Variants in SGCD observed in about 807,000 individuals in gnomAD.
SGCD encodes the protein delta-sarcoglycan.
In SGCD, 18 loss-of-function variants were observed where a neutral mutation model predicts 36.6. The ratio of observed to expected loss-of-function variants is 0.49; its 90% confidence interval spans 0.34 to 0.73. The LOEUF (loss-of-function observed/expected upper bound fraction) is 0.73. Ranked by LOEUF, SGCD falls within the 30% of genes least tolerant of loss-of-function variation. The pLI, the probability that SGCD is intolerant of heterozygous loss-of-function variation, is 0.01. For synonymous variants in SGCD, 133 were observed against 130.6 expected, an observed-to-expected ratio of 1.02 and a Z score of -0.12; for missense variants, 387 against 346.7, an observed-to-expected ratio of 1.12 and a Z score of -0.92.
At chr5:155,821,338 G>A in the SGCD span, among the ~76,000 whole-genome samples, 1 of 151,818 alleles carries the variant, frequency 6.6e-6, no homozygotes, top group Non-Finnish European at 1.5e-5. Flanking sequence ...TTGAGACGGA[G>A]TCTCTTTCTC....
the SGCD span, among the ~76,000 whole-genome samples, chr5:155,801,311 C>T: frequency 6.6e-6 from 1 of 152,178 alleles, no homozygotes; most frequent in East Asian, 1.9e-4. Flanking sequence ...TCTGGTCTTC[C>T]ACTCTCCAAG....
At chr5:156,023,512 A>C (rs1175171039) in intron 1 of SGCD, among the ~76,000 whole-genome samples, 4 of 152,236 alleles carry the variant, frequency 2.6e-5, no homozygotes, top group Non-Finnish European at 5.9e-5. Context: ...TTACTTGTGC[A>C]TCTACTATTG....
In SGCD at chr5:156,721,427, A is replaced by C. The variant is rs115299675; in HGVS notation, c.576-36154A>C. Among the ~76,000 whole-genome samples the C allele has an allele frequency of 9.4e-3, 1,434 of 152,298 alleles. 16 individuals are homozygous for C. The highest frequency in any genetic ancestry group is 0.032 in the African/African-American group (1,321 of 41,560). On this transcript the variant is annotated intron_variant, in intron 7 of 8. Coordinates refer to ENST00000337851, the MANE Select transcript of SGCD (RefSeq NM_000337.6). ...GCCAGTGTTGATAGTTTCAAGAAGG[A>C]AGGAACAATGAATGGTGTCACATGC...
chr5:155,983,448 C>A (rs181480240), intron 1 of SGCD, among the ~76,000 whole-genome samples: 29 of 152,260 alleles, frequency 1.9e-4, no homozygotes, highest in Non-Finnish European at 3.7e-4. Flanking sequence ...AACAGGTGCA[C>A]GCCACCATGC....
intron 3 of SGCD, among the ~76,000 whole-genome samples, chr5:156,129,171 T>A (rs1762250922): frequency 6.6e-6 from 1 of 152,232 alleles, no homozygotes; most frequent in South Asian, 2.1e-4. Context: ...TTTCACTGCA[T>A]GTAAATTATA....
At chr5:156,055,546 G>C (rs1306255392) in intron 1 of SGCD, among the ~76,000 whole-genome samples, 1 of 146,376 alleles carries the variant, frequency 6.8e-6, no homozygotes, top group Admixed American at 6.8e-5. Flanking sequence ...CAGTCACAGT[G>C]ACCTAGTTTT....
intron 7 of SGCD, among the ~76,000 whole-genome samples, chr5:156,729,559 A>G (rs1279590003): frequency 6.6e-6 from 1 of 152,220 alleles, no homozygotes; most frequent in Non-Finnish European, 1.5e-5. Flanking sequence ...GGAATACAAG[A>G]AGCACTCAAT....
intron 7 of SGCD, among the ~76,000 whole-genome samples, chr5:156,689,938 TTA>T (rs1407128342): frequency 2.0e-5 from 3 of 152,214 alleles, no homozygotes; most frequent in African/African-American, 7.2e-5. Flanking sequence ...AGAATACAGC[TTA>T]TGTCTTGTAG....
intron 1 of SGCD, among the ~76,000 whole-genome samples, chr5:156,073,877 G>C (rs1760677075): frequency 6.6e-6 from 1 of 152,220 alleles, no homozygotes; most frequent in South Asian, 2.1e-4. Flanking sequence ...GCTCTATGAA[G>C]CAAGGCTTGA....
intron 3 of SGCD, among the ~76,000 whole-genome samples, chr5:156,416,275 C>A (rs927307473): frequency 6.6e-6 from 1 of 152,144 alleles, no homozygotes; most frequent in Admixed American, 6.5e-5. Context: ...AATGGAAAAC[C>A]AAACATTGTA....
intron 2 of SGCD, among the ~76,000 whole-genome samples, chr5:156,342,068 G>C (rs1425950079): frequency 6.6e-6 from 1 of 152,166 alleles, no homozygotes; most frequent in Non-Finnish European, 1.5e-5. Context: ...CCAGGGCTGA[G>C]AACCCTTAGT....
At chr5:156,567,632 GC>G (rs1428553400) in intron 4 of SGCD, among the ~76,000 whole-genome samples, 4 of 152,214 alleles carry the variant, frequency 2.6e-5, no homozygotes, top group Admixed American at 6.5e-5. Flanking sequence ...ATTATGGAGA[GC>G]AATCTGCTTT....
At chr5:156,238,643 G>T (rs1026524215) in intron 3 of SGCD, among the ~76,000 whole-genome samples, 1 of 152,152 alleles carries the variant, frequency 6.6e-6, no homozygotes, top group Non-Finnish European at 1.5e-5. Context: ...GCCACATGTG[G>T]CTGATAATGA....
rs141225320 is a variant in SGCD at position 155,986,441 on chromosome 5, ATGAGGT to A, written c.-282+116019_-282+116024del. Among the ~76,000 whole-genome samples the A allele has an allele frequency of 8.8e-3, 1,339 of 152,294 alleles. 24 individuals are homozygous for A. Among genetic ancestry groups the A allele is most frequent in the African/African-American group, 0.03 (1,254 of 41,562 alleles). On this transcript the variant is annotated intron_variant, in intron 1 of 9. Transcript: ENST00000517913. ...GGGAAATAGTGACAACATGGAACAC[ATGAGGT>A]TAAGTATGCCAAGGAAGACATAAAG...
At chr5:155,891,370 A>G (rs1756125539) in intron 1 of SGCD, among the ~76,000 whole-genome samples, 1 of 151,978 alleles carries the variant, frequency 6.6e-6, no homozygotes, top group South Asian at 2.1e-4. Flanking sequence ...GTAAATGTCT[A>G]TCTCCTTGGG....
At chr5:156,215,909 C>T (rs1764559101) in intron 3 of SGCD, among the ~76,000 whole-genome samples, 1 of 152,118 alleles carries the variant, frequency 6.6e-6, no homozygotes, top group African/African-American at 2.4e-5. Context: ...GTATTATTCA[C>T]AACAGCCTGA....
chr5:155,786,619 C>T, the SGCD span, among the ~76,000 whole-genome samples: 2 of 152,200 alleles, frequency 1.3e-5, no homozygotes, highest in Admixed American at 1.3e-4. Flanking sequence ...GGTGGCAATA[C>T]AAAAAACTAG....
chr5:156,281,564 G>A (rs1426527153), intron 3 of SGCD, among the ~76,000 whole-genome samples: 1 of 152,138 alleles, frequency 6.6e-6, no homozygotes, highest in Non-Finnish European at 1.5e-5. Context: ...TACTCCAGAG[G>A]AAGGGATGTG....
rs796934169 is a variant in SGCD at position 156,055,008 on chromosome 5, C to T, written c.-281-62870C>T. On this transcript the variant is annotated intron_variant, in intron 1 of 9. Transcript: ENST00000517913. ...CCAAAAGGAAGCTGTTTTAAGCCCA[C>T]CCTGTCCCTGTTGTGTGTGACAGGG... is the stretch of plus-strand genomic sequence containing the variant. Among the ~76,000 whole-genome samples, 4 of 146,276 alleles carry T rather than the reference C, an allele frequency of 2.7e-5. 1 individual carries two copies. The highest frequency in any genetic ancestry group is 9.8e-5 in the African/African-American group (4 of 40,710).
Sources: allele counts gnomAD v4.1 joint callset (sites outside exome capture counted in the v4.1 genomes callset), GRCh38; gene constraint gnomAD v4.1.1; transcripts MANE v1.5; gene names NCBI Gene and HGNC (gene_info 2026-07-23, HGNC 2026-07-21).